The following CARMIL1 variants were observed in gnomAD, a reference collection of about 807,000 sequenced individuals.
The protein encoded by CARMIL1 is F-actin-uncapping protein LRRC16A.
In CARMIL1, 90 loss-of-function variants were observed where a neutral mutation model predicts 177.1. The observed-to-expected ratio is 0.51, with a 90% CI of 0.43 to 0.61. The LOEUF (loss-of-function observed/expected upper bound fraction) is 0.61, where lower values mean the gene tolerates loss of function less well. Among genes scored for constraint, CARMIL1 ranks in the 20% least tolerant of loss-of-function variants. CARMIL1 has a pLI of 0.00. For synonymous variants in CARMIL1, 577 were observed against 606.2 expected, an observed-to-expected ratio of 0.95 and a Z score of 0.71; for missense variants, 1,380 against 1,667.0, an observed-to-expected ratio of 0.83 and a Z score of 3.00.
At chr6:25,552,305 A>G (rs892205635) in intron 27 of CARMIL1, among the ~76,000 whole-genome samples, 1 of 152,136 alleles carries the variant, frequency 6.6e-6, no homozygotes, top group Non-Finnish European at 1.5e-5. Flanking sequence ...TTCTTTCATA[A>G]TAGTGGTTTC....
chr6:25,382,134 G>A (rs1437309215), intron 2 of CARMIL1, among the ~76,000 whole-genome samples: 1 of 152,162 alleles, frequency 6.6e-6, no homozygotes, highest in African/African-American at 2.4e-5. Flanking sequence ...GTCTCACTCT[G>A]TCACCCAGGC....
chr6:25,520,918 T>C (rs905069721), intron 23 of CARMIL1, among the ~76,000 whole-genome samples: 5 of 152,174 alleles, frequency 3.3e-5, no homozygotes, highest in Non-Finnish European at 5.9e-5. Context: ...CATATCTTCA[T>C]CCTTCTCTTT....
At chr6:25,472,360 C>T in intron 10 of CARMIL1, 67 bp from the exon 11 acceptor site, 1 of 1,098,424 alleles carries the variant, frequency 9.1e-7, no homozygotes, top group Non-Finnish European at 1.4e-6. Flanking sequence ...CTGTTCTAAG[C>T]TTTAAATGTT....
intron 4 of CARMIL1, among the ~76,000 whole-genome samples, chr6:25,426,801 G>A (rs1213668367): frequency 1.3e-5 from 2 of 152,162 alleles, no homozygotes; most frequent in Non-Finnish European, 2.9e-5. Flanking sequence ...CAGTGTAAAC[G>A]TGAGAGTACT....
intron 31 of CARMIL1, among the ~76,000 whole-genome samples, chr6:25,594,086 A>G (rs943270364): frequency 6.6e-6 from 1 of 151,508 alleles, no homozygotes; most frequent in African/African-American, 2.4e-5. Flanking sequence ...TTCTCCATGC[A>G]CTCCCTTTCC....
intron 4 of CARMIL1, 123 bp from the exon 5 acceptor site, chr6:25,435,359 GA>G (rs958428319): frequency 8.1e-5 from 92 of 1,133,922 alleles, no homozygotes; most frequent in Middle Eastern, 2.1e-4. Flanking sequence ...CCTTGTTAAA[GA>G]AAAAAAAAGC....
chr6:25,575,362 G>T (rs1389555768), intron 29 of CARMIL1, among the ~76,000 whole-genome samples: 2 of 152,142 alleles, frequency 1.3e-5, no homozygotes, highest in Admixed American at 6.5e-5. Context: ...GTCATTTTAG[G>T]AGTTGAACCA....
chr6:25,335,926 G>A (rs1282754445), intron 2 of CARMIL1, among the ~76,000 whole-genome samples: 3 of 150,380 alleles, frequency 2.0e-5, no homozygotes, highest in Non-Finnish European at 3.0e-5. Flanking sequence ...ATCACTCCTG[G>A]TGGGATCTCT....
At chr6:25,434,869 A>G (rs1581929109) in intron 4 of CARMIL1, among the ~76,000 whole-genome samples, 1 of 152,078 alleles carries the variant, frequency 6.6e-6, no homozygotes, top group Non-Finnish European at 1.5e-5. Flanking sequence ...TTTTAAAAGC[A>G]TTTCTCTTTT....
intron 2 of CARMIL1, among the ~76,000 whole-genome samples, chr6:25,357,348 G>A (rs1300617534): frequency 2.0e-5 from 3 of 152,178 alleles, no homozygotes; most frequent in East Asian, 1.9e-4. Flanking sequence ...TTGGGAGGCC[G>A]AGATGGGCAG....
rs550051572 is a variant in CARMIL1, at chr6:25,351,222, C to T, written c.138+66313C>T. On this transcript the variant is annotated intron_variant, in intron 2 of 36. Transcript: ENST00000329474. ...TAGATTTCAAAGACCTACTGTGAAA[C>T]AAAGGATGTAAAATGTCTCATTAAT... Among the ~76,000 whole-genome samples, 98 of 151,804 alleles carry T rather than the reference C, an allele frequency of 6.5e-4. 1 individual carries two copies. In the South Asian group the frequency reaches 9.4e-3, roughly 15 times the overall value.
At chr6:25,315,114 A>G (rs1398982029) in intron 2 of CARMIL1, among the ~76,000 whole-genome samples, 1 of 143,820 alleles carries the variant, frequency 7.0e-6, no homozygotes, top group Non-Finnish European at 1.5e-5. Flanking sequence ...ACAGATGAAG[A>G]AAGTGAAGGC....
chr6:25,421,770 A>G (rs1795877457), intron 3 of CARMIL1, among the ~76,000 whole-genome samples: 1 of 150,206 alleles, frequency 6.7e-6, no homozygotes, highest in South Asian at 2.1e-4. Flanking sequence ...TATCACAAGG[A>G]CAAAAAACCA....
At chr6:25,433,321 G>A (rs151235343) in intron 4 of CARMIL1, 12 of 152,338 alleles carry the variant, frequency 7.9e-5, no homozygotes, top group African/African-American at 2.9e-4. Flanking sequence ...CTGAATAGAT[G>A]TGCTAGATGT....
chr6:25,484,067 T>G (rs4712943), intron 12 of CARMIL1, among the ~76,000 whole-genome samples: 23,334 of 152,146 alleles, frequency 0.15, 2,163 homozygotes, highest in South Asian at 0.25. Context: ...TGCTTCTATC[T>G]CACTTTCTCT....
chr6:25,372,778 A>T (rs539289310), intron 2 of CARMIL1, among the ~76,000 whole-genome samples: 5 of 152,244 alleles, frequency 3.3e-5, no homozygotes, highest in Admixed American at 3.3e-4. Context: ...TCCTGGTGCT[A>T]TGTTGAATAG....
chr6:25,616,337 T>C lies in CARMIL1; in HGVS notation c.3980-3110T>C, dbSNP rs561608494. ...AATCCCAGCACTTTGGGAGGCTGAG[T>C]CTGGAGGATCACTTGAGGCCAGGAA... On this transcript the variant is annotated intron_variant, in intron 36 of 36. Coordinates refer to ENST00000329474, the MANE Select transcript of CARMIL1 (RefSeq NM_017640.6). Among the ~76,000 whole-genome samples the C allele has an allele frequency of 1.9e-3, 292 of 152,146 alleles. 1 individual carries two copies. Among genetic ancestry groups the C allele is most frequent in the South Asian group, 0.017 (80 of 4,812 alleles).
chr6:25,435,034 T>C (rs1797109383), intron 4 of CARMIL1, among the ~76,000 whole-genome samples: 1 of 152,188 alleles, frequency 6.6e-6, no homozygotes, highest in Non-Finnish European at 1.5e-5. Context: ...AGCAGGGATA[T>C]AAAAACTTTG....
intron 2 of CARMIL1, among the ~76,000 whole-genome samples, chr6:25,396,918 C>A (rs2150563866): frequency 6.6e-6 from 1 of 152,136 alleles, no homozygotes; most frequent in Non-Finnish European, 1.5e-5. Context: ...AACCTGTCTT[C>A]TGATTGCCGG....
Sources: allele counts gnomAD v4.1 joint callset (sites outside exome capture counted in the v4.1 genomes callset), GRCh38; gene constraint gnomAD v4.1.1; transcripts MANE v1.5; gene names NCBI Gene and HGNC (gene_info 2026-07-23, HGNC 2026-07-21).